SARNP: variants seen among roughly 807,000 people sequenced by gnomAD.
SARNP encodes SAP domain containing ribonucleoprotein.
In SARNP, 5 loss-of-function variants were observed where a neutral mutation model predicts 38.1. That is an observed-to-expected ratio of 0.13 (90% CI 0.07 to 0.28). The LOEUF (loss-of-function observed/expected upper bound fraction) is 0.28, where lower values mean the gene tolerates loss of function less well. Ranked by LOEUF, SARNP falls within the 10% of genes least tolerant of loss-of-function variation. The probability of loss-of-function intolerance (pLI) is 1.00; values close to 1 mark genes in which losing one functional copy is unlikely to be tolerated. For missense variants in SARNP, 180 were observed against 243.9 expected, an observed-to-expected ratio of 0.74 and a Z score of 1.75; for synonymous variants, 84 against 80.6, an observed-to-expected ratio of 1.04 and a Z score of -0.23.
At chr12:55,815,568 TCAGCCTCCTCA>T (rs1880457053) in intron 1 of SARNP, among the ~76,000 whole-genome samples, 1 of 152,172 alleles carries the variant, frequency 6.6e-6, no homozygotes, top group Non-Finnish European at 1.5e-5. Flanking sequence ...TTCTTGTGCC[TCAGCCTCCTCA>T]CAGCCTCCTC....
Position 55,770,383 on chromosome 12 carries a change from C to T in SARNP, c.502-9743G>A, listed in dbSNP as rs536986121. ...TGGGACTTACAGGCGCCCACCACCA[C>T]GCCCAGCTAGGTTTTTTTTTTTTTT... On this transcript the variant is annotated intron_variant, in intron 9 of 10. Coordinates refer to ENST00000336133, the MANE Select transcript of SARNP (RefSeq NM_033082.4). Among the ~76,000 whole-genome samples the T allele has an allele frequency of 2.3e-4, 35 of 150,976 alleles. No individual in the cohort carries two copies. In the East Asian group the frequency reaches 4.7e-3, roughly 20 times the overall value.
chr12:55,775,280 C>T (rs983191293), intron 9 of SARNP, among the ~76,000 whole-genome samples: 2 of 141,048 alleles, frequency 1.4e-5, no homozygotes. Flanking sequence ...AAAAGATGGA[C>T]AAGCATGGTG....
At chr12:55,783,508 G>A (rs944982691) in intron 9 of SARNP, among the ~76,000 whole-genome samples, 2 of 150,174 alleles carry the variant, frequency 1.3e-5, no homozygotes, top group Admixed American at 6.7e-5. Context: ...TGTTCACTGA[G>A]ACTTAAGCTG....
At chr12:55,755,116 A>G (rs1878465127), downstream of SARNP, 2 of 152,218 alleles carry the variant, frequency 1.3e-5, no homozygotes, top group Admixed American at 6.5e-5. Flanking sequence ...ATAATCAGAA[A>G]TAAGTGGCAT....
chr12:55,759,778 C>T (rs1878620647), intron 10 of SARNP, among the ~76,000 whole-genome samples: 1 of 151,590 alleles, frequency 6.6e-6, no homozygotes, highest in Admixed American at 6.6e-5. Flanking sequence ...CACTCTATTG[C>T]CCAGGCTGGA....
intron 4 of SARNP, 71 bp from the exon 5 acceptor site, chr12:55,796,147 A>T (rs571682085): frequency 1.8e-6 from 2 of 1,097,762 alleles, no homozygotes; most frequent in African/African-American, 1.5e-5. Flanking sequence ...AATGTGTAAG[A>T]ATTCACCTGA....
chr12:55,797,930 T>C (rs1879866873), intron 4 of SARNP, among the ~76,000 whole-genome samples: 1 of 152,210 alleles, frequency 6.6e-6, no homozygotes, highest in South Asian at 2.1e-4. Flanking sequence ...AATTCATTAA[T>C]AGAATTAAAG....
Position 55,760,542 on chromosome 12 carries a change from T to C in SARNP, c.591+9A>G, listed in dbSNP as rs750916104. ...CAAGGTCTATGAAGCGTTCCAGGTA[T>C]ATTTTTACCTCTGTATCCTCTGTGG... On this transcript the variant is annotated intron_variant, in intron 10 of 10. Coordinates refer to ENST00000336133, the MANE Select transcript of SARNP (RefSeq NM_033082.4). 5 of 1,544,620 alleles carry C rather than the reference T, an allele frequency of 3.2e-6. No individual in the cohort carries two copies. The highest frequency in any genetic ancestry group is 4.5e-6 in the Non-Finnish European group (5 of 1,116,388).
rs1484719829 is a variant in SARNP at position 55,778,117 on chromosome 12, GA to G, written c.501+10957del. Among the ~76,000 whole-genome samples the G allele has an allele frequency of 1.6e-3, 237 of 152,248 alleles. 1 individual carries two copies. Among genetic ancestry groups the G allele is most frequent in the African/African-American group, 5.6e-3 (231 of 41,546 alleles). On this transcript the variant is annotated intron_variant, in intron 9 of 10. Coordinates refer to ENST00000336133, the MANE Select transcript of SARNP (RefSeq NM_033082.4). ...CAGATGATGGAATAAACTGAGGTCA[GA>G]GAGTTTCCCCCATTGTTTCCTCTTT...
chr12:55,808,076 T>C (rs1328737787), intron 1 of SARNP, among the ~76,000 whole-genome samples: 1 of 152,228 alleles, frequency 6.6e-6, no homozygotes, highest in East Asian at 1.9e-4. Context: ...CGTGAGCCAC[T>C]GTGCCCAGCC....
intron 4 of SARNP, among the ~76,000 whole-genome samples, chr12:55,800,018 T>C (rs1476104160): frequency 4.6e-5 from 7 of 151,668 alleles, no homozygotes; most frequent in African/African-American, 1.7e-4. Context: ...GGTAAAACCC[T>C]GTCTCTACTA....
chr12:55,769,746 C>G (rs1878950740), intron 9 of SARNP, among the ~76,000 whole-genome samples: 1 of 152,228 alleles, frequency 6.6e-6, no homozygotes, highest in Non-Finnish European at 1.5e-5. Context: ...TACAACCACT[C>G]TGTTCACTTT....
chr12:55,758,104 T>C (rs1365122071), intron 10 of SARNP, among the ~76,000 whole-genome samples: 3 of 152,070 alleles, frequency 2.0e-5, no homozygotes, highest in Non-Finnish European at 4.4e-5. Flanking sequence ...GGTATGTGGG[T>C]GAGTCCCTAT....
At chr12:55,806,677 C>T (rs1880154460) in intron 1 of SARNP, among the ~76,000 whole-genome samples, 1 of 152,080 alleles carries the variant, frequency 6.6e-6, no homozygotes, top group African/African-American at 2.4e-5. Context: ...TTAGCTGGGA[C>T]TACAGGCGCA....
chr12:55,815,232 A>T (rs868051), intron 1 of SARNP, among the ~76,000 whole-genome samples: 5 of 151,582 alleles, frequency 3.3e-5, no homozygotes, highest in Non-Finnish European at 7.4e-5. Context: ...TAATTTTTTA[A>T]TTTTTTTTGT....
chr12:55,795,704 C>CA (rs1002771815), intron 5 of SARNP, among the ~76,000 whole-genome samples: 41 of 152,172 alleles, frequency 2.7e-4, no homozygotes, highest in African/African-American at 9.4e-4. Context: ...TGGCCAGTAG[C>CA]AACATAAGAG....
chr12:55,764,627 G>A (rs1458183158), intron 9 of SARNP, among the ~76,000 whole-genome samples: 1 of 151,014 alleles, frequency 6.6e-6, no homozygotes, highest in Non-Finnish European at 1.5e-5. Context: ...ACAAGGTCAA[G>A]ATATAGAGAC....
chr12:55,803,621 G>C lies in SARNP; in HGVS notation c.136+8C>G, dbSNP rs1400133995. The stretch of plus-strand genomic sequence containing the variant: ...ACTCACATCACTCCGCCTCCACAAA[G>C]TACTCACCATGTTCTTCAAGATATG... On this transcript the variant is annotated splice_region_variant and intron_variant, in intron 2 of 10. Coordinates refer to ENST00000336133, the MANE Select transcript of SARNP (RefSeq NM_033082.4). 6.3e-7 allele frequency: 1 copy of C among 1,575,354 alleles called. No individual in the cohort carries two copies.
At chr12:55,799,332 T>C (rs750933030) in intron 4 of SARNP, among the ~76,000 whole-genome samples, 1 of 152,216 alleles carries the variant, frequency 6.6e-6, no homozygotes, top group South Asian at 2.1e-4. Flanking sequence ...TGTACTATAG[T>C]ACAAAATGGC....
Sources: gnomAD v4.1 joint callset for allele counts (sites outside exome capture counted in the v4.1 genomes callset) on GRCh38, gnomAD v4.1.1 for gene constraint, MANE v1.5 for transcripts, NCBI Gene and HGNC (gene_info 2026-07-23, HGNC 2026-07-21) for gene names.